The following KIF26A variants were observed in gnomAD, a reference collection of about 807,000 sequenced individuals.
KIF26A encodes kinesin-like protein KIF26A.
Under a neutral mutation model 126.0 loss-of-function variants are expected in KIF26A, and 74 were observed. The observed-to-expected ratio is 0.59, with a 90% CI of 0.49 to 0.71. KIF26A has a LOEUF of 0.71. Ranked by LOEUF, KIF26A falls within the 30% of genes least tolerant of loss-of-function variation. KIF26A has a pLI of 0.00. For synonymous variants in KIF26A, 1,445 were observed against 1,232.7 expected, an observed-to-expected ratio of 1.17 and a Z score of -3.61; for missense variants, 2,984 against 2,763.3, an observed-to-expected ratio of 1.08 and a Z score of -1.79.
In KIF26A at chr14:104,174,279, G is replaced by C; in HGVS notation, c.2162G>C (p.Arg721Pro). The C allele has an allele frequency of 1.3e-6, 2 of 1,558,112 alleles. No individual in the cohort carries two copies. The highest frequency in any genetic ancestry group is 1.9e-5 in the Admixed American group (1 of 52,986). ...ETLSTVQLAA[R>P]IHRLRRKKAK... ...CTCAGCACCGTGCAGCTCGCCGCCC[G>C]CATCCACCGCCTGCGCAGGAAGAAG... Residue 721 changes from arginine (R) to proline (P), a missense_variant, in exon 11 of 15, where the codon CGC (arginine) becomes CCC (proline). Coordinates refer to ENST00000423312, the MANE Select transcript of KIF26A (RefSeq NM_015656.2).
chr14:104,160,714 G>T (rs1209837699), intron 4 of KIF26A, among the ~76,000 whole-genome samples: 1 of 152,204 alleles, frequency 6.6e-6, no homozygotes, highest in Non-Finnish European at 1.5e-5. Context: ...CTGAGGCCCC[G>T]CTGGTTTGTG....
At chr14:104,164,268 A>G (rs781343731) in intron 4 of KIF26A, among the ~76,000 whole-genome samples, 6 of 141,246 alleles carry the variant, frequency 4.2e-5, no homozygotes, top group Admixed American at 1.4e-4. Flanking sequence ...GGCGTGGGGC[A>G]TGTTAGGGGA....
intron 3 of KIF26A, among the ~76,000 whole-genome samples, chr14:104,153,195 T>C (rs1402502462): frequency 1.3e-5 from 2 of 152,104 alleles, no homozygotes; most frequent in Non-Finnish European, 2.9e-5. Context: ...AGGTGGCCTG[T>C]CTGGACATCA....
intron 2 of KIF26A, among the ~76,000 whole-genome samples, chr14:104,143,166 C>T (rs1792692167): frequency 6.6e-6 from 1 of 152,256 alleles, no homozygotes; most frequent in African/African-American, 2.4e-5. Flanking sequence ...TCTTGCTTAT[C>T]CAGGCAGGGG....
intron 3 of KIF26A, among the ~76,000 whole-genome samples, chr14:104,155,700 G>A (rs1037534174): frequency 3.7e-4 from 57 of 152,378 alleles, no homozygotes; most frequent in South Asian, 6.2e-4. Flanking sequence ...CCGGCAGCGC[G>A]TGGGACGGTG....
At position 104,173,410 on chromosome 14, in the gene KIF26A, C is replaced by T. The variant is rs956680188; in HGVS notation, c.1764C>T (p.Ser588=). The T allele has an allele frequency of 9.5e-6, 15 of 1,583,440 alleles. No individual in the cohort carries two copies. The highest frequency in any genetic ancestry group is 1.3e-5 in the Non-Finnish European group (15 of 1,166,148). ...TGGATGCGGCCCTGGCGGCCCGCAG[C>T]ACCAGCCGAGCGGGCTGTGGCGAGG... is the stretch of plus-strand genomic sequence containing the variant. ...FYLDAALAAR[S]TSRAGCGEDA... The change falls in exon 9 of 15, where the codon AGC becomes AGT. Residue 588 remains serine (S), a synonymous_variant. Transcript: ENST00000423312.
chr14:104,142,833 T>A (rs1399915559), intron 2 of KIF26A, among the ~76,000 whole-genome samples: 1 of 152,190 alleles, frequency 6.6e-6, no homozygotes, highest in Non-Finnish European at 1.5e-5. Flanking sequence ...GTTTGTTGAA[T>A]GACTGAATGA....
In KIF26A at chr14:104,141,822, C is replaced by A. The variant is rs1417338786; in HGVS notation, c.288+2534C>A. On this transcript the variant is annotated intron_variant, in intron 2 of 14. Coordinates refer to ENST00000423312, the MANE Select transcript of KIF26A (RefSeq NM_015656.2). Reference sequence around the variant, plus strand: ...CCCCTGCTGGGCCCTTGCCCACCCTCCTGCCAGGAGGCAGCTCCCCTGAGC... The same window carrying A: ...CCCCTGCTGGGCCCTTGCCCACCCTACTGCCAGGAGGCAGCTCCCCTGAGC... Among the ~76,000 whole-genome samples, 3 of 152,234 alleles carry A rather than the reference C, an allele frequency of 2.0e-5. No individual in the cohort carries two copies. The South Asian group carries it at 6.2e-4, about 32-fold the overall frequency.
intron 4 of KIF26A, 36 bp from the exon 5 acceptor site, chr14:104,166,823 C>T: frequency 2.7e-6 from 4 of 1,505,138 alleles, no homozygotes; most frequent in Non-Finnish European, 3.6e-6. Context: ...GCTGCTGTCA[C>T]CCACCACTGA....
In KIF26A at chr14:104,157,804, G is replaced by GC. The variant is rs1489615146; in HGVS notation, c.792dup (p.Val265ArgfsTer5). On this transcript the variant is annotated frameshift_variant, in exon 4 of 15. Coordinates refer to ENST00000423312, the MANE Select transcript of KIF26A (RefSeq NM_015656.2). LOFTEE classifies it high-confidence loss of function. Reference sequence around the variant, plus strand: ...GCGGTGGCAGACACGGTCCGAGAATGCCCCCCCGTGGCCGGCCCTGATGGC... The same window carrying GC: ...GCGGTGGCAGACACGGTCCGAGAATGCCCCCCCCGTGGCCGGCCCTGATGGC... 4.3e-6 allele frequency: 7 copies of GC among 1,610,012 alleles called. No homozygotes were observed. Among genetic ancestry groups the GC allele is most frequent in the Non-Finnish European group, 5.1e-6 (6 of 1,178,696 alleles).
In KIF26A at chr14:104,170,240, C is replaced by T. The variant is rs1483338757; in HGVS notation, c.1114-1483C>T. Among the ~76,000 whole-genome samples the T allele has an allele frequency of 3.3e-5, 5 of 152,190 alleles. No homozygotes were observed. The East Asian group carries it at 5.8e-4, about 18-fold the overall frequency. On this transcript the variant is annotated intron_variant, in intron 5 of 14. Transcript: ENST00000423312. ...TTGCCAAAAATTACCGGGAAGTGCA[C>T]GTTTTCGTCTGCTTTGTGGTGGCGT...
chr14:104,178,468 CCGGCTCCGCAGCGTCCCCGCA>C, intron 12 of KIF26A, 61 bp from the exon 13 acceptor site: 1 of 1,068,876 alleles, frequency 9.4e-7, no homozygotes, highest in South Asian at 2.2e-5. Context: ...AGGACTCGGG[CCGGCTCCGCAGCGTCCCCGCA>C]GGGGCTGTGC....
In KIF26A at chr14:104,176,565, G is replaced by A; in HGVS notation, c.3777G>A (p.Arg1259=). The change falls in exon 12 of 15, where the codon AGG becomes AGA. Residue 1259 remains arginine, a synonymous_variant. Transcript: ENST00000423312. ...ECDTQAASAG[R]APSPTLGSPR... is the part of the protein sequence containing the mutation. ...ATACCCAGGCAGCTTCTGCTGGCAG[G>A]GCCCCCAGCCCCACACTTGGCTCCC... is the stretch of plus-strand genomic sequence containing the variant. The A allele has an allele frequency of 6.2e-7, 1 of 1,607,044 alleles. No individual in the cohort carries two copies. Among genetic ancestry groups the A allele is most frequent in the Non-Finnish European group, 8.5e-7 (1 of 1,179,698 alleles).
At chr14:104,149,307 T>A (rs1174657755) in intron 2 of KIF26A, among the ~76,000 whole-genome samples, 1 of 152,040 alleles carries the variant, frequency 6.6e-6, no homozygotes, top group Non-Finnish European at 1.5e-5. Flanking sequence ...TCGTGGCCCG[T>A]CCTGGGGAGG....
At chr14:104,143,645 G>T (rs2037656526) in intron 2 of KIF26A, among the ~76,000 whole-genome samples, 1 of 152,236 alleles carries the variant, frequency 6.6e-6, no homozygotes, top group African/African-American at 2.4e-5. Flanking sequence ...GGTAGGAGCT[G>T]CGCCCGAGTG....
rs1218114141 is a variant in KIF26A at position 104,177,056 on chromosome 14, C to T, written c.4268C>T (p.Ala1423Val). ...PRATSSLKAR[A>V]SKVEAAHRLA... ...GCCACGTCCAGCCTGAAGGCCCGGG[C>T]CAGCAAGGTAGAAGCAGCACACCGT... The change falls in exon 12 of 15, where the codon GCC becomes GTC. Residue 1423 changes from alanine (A) to valine (V), a missense_variant. Ala to Val is a moderately conservative substitution (Grantham distance 64). Transcript: ENST00000423312. The T allele has an allele frequency of 1.3e-6, 2 of 1,588,078 alleles. No individual in the cohort carries two copies. The highest frequency in any genetic ancestry group is 1.1e-5 in the South Asian group (1 of 88,906).
chr14:104,146,579 G>A (rs974020253), intron 2 of KIF26A, among the ~76,000 whole-genome samples: 1 of 152,072 alleles, frequency 6.6e-6, no homozygotes, highest in African/African-American at 2.4e-5. Flanking sequence ...TGCCCCACGT[G>A]GTGGGGAAGA....
At chr14:104,168,430 G>A (rs2037926962) in intron 5 of KIF26A, among the ~76,000 whole-genome samples, 1 of 152,200 alleles carries the variant, frequency 6.6e-6, no homozygotes, top group Non-Finnish European at 1.5e-5. Flanking sequence ...GGCAGTGGTG[G>A]GTCCCTAGGG....
chr14:104,149,155 G>A (rs1451545335), intron 2 of KIF26A, among the ~76,000 whole-genome samples: 2 of 152,186 alleles, frequency 1.3e-5, no homozygotes, highest in East Asian at 3.9e-4. Context: ...GCCCTAGGCC[G>A]GTCTCGCATA....
Sources: allele counts gnomAD v4.1 joint callset (sites outside exome capture counted in the v4.1 genomes callset), GRCh38; gene constraint gnomAD v4.1.1; transcripts MANE v1.5; gene names NCBI Gene and HGNC (gene_info 2026-07-23, HGNC 2026-07-21).